Variants in STARD3 observed in about 807,000 individuals in gnomAD.
STARD3 encodes the protein stAR-related lipid transfer protein 3.
In STARD3, 39 loss-of-function variants were observed where a neutral mutation model predicts 62.0. The ratio of observed to expected loss-of-function variants is 0.63; its 90% CI spans 0.49 to 0.82. The LOEUF (loss-of-function observed/expected upper bound fraction) is 0.82. Among genes scored for constraint, STARD3 ranks in the 40% least tolerant of loss-of-function variants. The probability of loss-of-function intolerance (pLI) is 0.00; values close to 1 mark genes in which losing one functional copy is unlikely to be tolerated. For missense variants in STARD3, 543 were observed against 584.5 expected, an observed-to-expected ratio of 0.93 and a Z score of 0.73; for synonymous variants, 229 against 242.4, an observed-to-expected ratio of 0.94 and a Z score of 0.51.
chr17:39,659,010 C>T (rs773995925), intron 7 of STARD3, 41 bp from the exon 8 acceptor site: 13 of 1,613,136 alleles, frequency 8.1e-6, no homozygotes, highest in Non-Finnish European at 1.1e-5. Flanking sequence ...CACACTCTCT[C>T]CCCACCCCTT....
chr17:39,647,903 G>C (rs891880413), intron 1 of STARD3, among the ~76,000 whole-genome samples: 1 of 152,188 alleles, frequency 6.6e-6, no homozygotes, highest in Admixed American at 6.5e-5. Flanking sequence ...CCAGTACTTT[G>C]GGAGGCTGAA....
chr17:39,649,217 C>T (rs955596751), intron 1 of STARD3, among the ~76,000 whole-genome samples: 1 of 152,158 alleles, frequency 6.6e-6, no homozygotes, highest in Non-Finnish European at 1.5e-5. Context: ...AGTGGGAGTG[C>T]AAACTGCAAA....
In STARD3 at chr17:39,645,825, A is replaced by G. The variant is rs186713260; in HGVS notation, c.-51-7656A>G. Among the ~76,000 whole-genome samples, 6 of 142,172 alleles carry G rather than the reference A, an allele frequency of 4.2e-5. No individual in the cohort carries two copies. In the Admixed American group the frequency reaches 4.4e-4, roughly 10 times the overall value. The allele number at this position is 142,172 out of a possible 152,430, so 93.3% of individuals were successfully genotyped here. ...AACCACCACTGACCAAGCGGTTACC[A>G]TACTCCCTCCTGACACCTACCTCAA... is the stretch of plus-strand genomic sequence containing the variant. On this transcript the variant is annotated intron_variant, in intron 1 of 14. Coordinates refer to ENST00000336308, the MANE Select transcript of STARD3 (RefSeq NM_006804.4).
intron 8 of STARD3, 28 bp downstream of exon 8, chr17:39,659,134 G>GC: frequency 6.2e-7 from 1 of 1,613,960 alleles, no homozygotes; most frequent in Non-Finnish European, 8.5e-7. Context: ...CCTAACCCCT[G>GC]CCCTTGGAAT....
At chr17:39,640,095 A>G (rs760722867) in intron 1 of STARD3, among the ~76,000 whole-genome samples, 4 of 152,190 alleles carry the variant, frequency 2.6e-5, no homozygotes, top group Non-Finnish European at 5.9e-5. Context: ...TGTCCAGCAT[A>G]CTGTAGGCCC....
intron 1 of STARD3, among the ~76,000 whole-genome samples, chr17:39,646,634 G>A (rs1242901720): frequency 6.6e-6 from 1 of 152,096 alleles, no homozygotes; most frequent in East Asian, 1.9e-4. Context: ...AGCTAGGAAG[G>A]GGACAGTCTG....
chr17:39,657,721 G>T, intron 3 of STARD3, 54 bp from the exon 4 acceptor site: 1 of 1,605,620 alleles, frequency 6.2e-7, no homozygotes, highest in East Asian at 2.2e-5. Flanking sequence ...TCAGCCTGCA[G>T]CAGGGTGGGG....
At chr17:39,655,063 A>G (rs1383189790) in intron 2 of STARD3, among the ~76,000 whole-genome samples, 1 of 152,274 alleles carries the variant, frequency 6.6e-6, no homozygotes, top group African/African-American at 2.4e-5. Context: ...CTAAGGTCTT[A>G]GGCAGACTTC....
chr17:39,660,875 C>A lies in STARD3; in HGVS notation c.1020C>A (p.Gly340=). The change falls in exon 12 of 15, where the codon GGC becomes GGA. Residue 340 remains glycine, a synonymous_variant. Coordinates refer to ENST00000336308, the MANE Select transcript of STARD3 (RefSeq NM_006804.4). This position sits in a 1 kb window ranked among gnomAD's most constrained non-coding sequence, Gnocchi z 4.8. ...SYDVSAGAAG[G]VVSPRDFVNV... is the part of the protein sequence containing the mutation. ...ACGTGTCTGCAGGGGCTGCGGGCGG[C>A]GTGGTCTCCCCAAGGTGAGTCCATG... The A allele has an allele frequency of 1.2e-6, 2 of 1,600,772 alleles. No homozygotes were observed.
rs80279260 is a variant in STARD3 at position 39,643,395 on chromosome 17, G to C, written c.-52+6164G>C. On this transcript the variant is annotated intron_variant, in intron 1 of 14. Coordinates refer to ENST00000336308, the MANE Select transcript of STARD3 (RefSeq NM_006804.4). Reference sequence around the variant, plus strand: ...GCTCCGCTCTGCCTCTTCCTGGCTAGGGGACTGTGGGCAGCTCTCCTTCCC... The same window carrying C: ...GCTCCGCTCTGCCTCTTCCTGGCTACGGGACTGTGGGCAGCTCTCCTTCCC... 1.9e-3 allele frequency among the ~76,000 whole-genome samples: 287 copies of C among 152,300 alleles called. 2 individuals carry two copies. In the East Asian group the frequency reaches 0.025, roughly 13 times the overall value.
At position 39,653,470 on chromosome 17, in the gene STARD3, C is replaced by T. The variant is rs2057096146; in HGVS notation, c.-51-11C>T. The T allele has an allele frequency of 3.2e-6, 5 of 1,558,882 alleles. No individual in the cohort carries two copies. In the African/African-American group the frequency reaches 5.4e-5, roughly 17 times the overall value. ...GAGTTTGACAGGACTCTGCCTCTGC[C>T]TCGCCCCCAGCCCTGCTGCTGAGGC... On this transcript the variant is annotated splice_polypyrimidine_tract_variant and intron_variant, in intron 1 of 14. Coordinates refer to ENST00000336308, the MANE Select transcript of STARD3 (RefSeq NM_006804.4).
intron 1 of STARD3, among the ~76,000 whole-genome samples, chr17:39,646,040 C>T (rs1261311716): frequency 6.6e-6 from 1 of 151,524 alleles, no homozygotes; most frequent in African/African-American, 2.4e-5. Flanking sequence ...TACAGGTGCA[C>T]ACCACCACAC....
intron 1 of STARD3, among the ~76,000 whole-genome samples, chr17:39,646,333 A>T (rs1271741206): frequency 6.6e-6 from 1 of 151,876 alleles, no homozygotes; most frequent in Admixed American, 6.6e-5. Context: ...GCCCACTGCA[A>T]CCTCCACCTC....
At chr17:39,655,796 C>T (rs1384413896) in intron 2 of STARD3, among the ~76,000 whole-genome samples, 1 of 152,020 alleles carries the variant, frequency 6.6e-6, no homozygotes, top group Non-Finnish European at 1.5e-5. Context: ...TCAGTAGGGT[C>T]GTGCTGAGCA....
chr17:39,649,865 C>CAAAAAAAAAA (rs10713558), intron 1 of STARD3, among the ~76,000 whole-genome samples: 1 of 85,004 alleles, frequency 1.2e-5, no homozygotes, highest in Non-Finnish European at 2.3e-5. Context: ...GACTCCGTCT[C>CAAAAAAAAAA]AAAAAAAAAA....
At chr17:39,661,659 C>T (rs2057200033) in intron 13 of STARD3, among the ~76,000 whole-genome samples, 2 of 152,228 alleles carry the variant, frequency 1.3e-5, no homozygotes, top group African/African-American at 4.8e-5. Flanking sequence ...CCCATCCCCT[C>T]CTGGGTTCCA....
At chr17:39,662,634 C>T (rs2057212822) in intron 14 of STARD3, 170 bp from the exon 15 acceptor site, 1 of 677,046 alleles carries the variant, frequency 1.5e-6, no homozygotes, top group African/African-American at 1.8e-5. Flanking sequence ...TGCCAAGAGC[C>T]AGGCCCAGCA....
rs560246050 is a variant in STARD3, at chr17:39,642,203, G to T, written c.-52+4972G>T. Among the ~76,000 whole-genome samples the T allele has an allele frequency of 6.4e-4, 98 of 152,338 alleles. 1 individual carries two copies. The highest frequency in any genetic ancestry group is 3.1e-3 in the Admixed American group (47 of 15,310). On this transcript the variant is annotated intron_variant, in intron 1 of 14. Transcript: ENST00000336308. ...TTGACCCCCATAGCAAAAAATGAGT[G>T]CTGGGGTCTGGAGTCCTCCCTCCTC...
At chr17:39,641,434 A>G (rs2056982011) in intron 1 of STARD3, among the ~76,000 whole-genome samples, 1 of 151,976 alleles carries the variant, frequency 6.6e-6, no homozygotes, top group Admixed American at 6.6e-5. Flanking sequence ...CCAGTCTGGC[A>G]ACATAGTGAG....
Sources: allele counts gnomAD v4.1 joint callset (sites outside exome capture counted in the v4.1 genomes callset), GRCh38; gene constraint gnomAD v4.1.1; non-coding constraint Gnocchi (gnomAD v3.1); transcripts MANE v1.5; gene names NCBI Gene and HGNC (gene_info 2026-07-23, HGNC 2026-07-21).